Variants in RFWD3 observed in about 807,000 individuals in gnomAD.
The protein encoded by RFWD3 is E3 ubiquitin-protein ligase RFWD3.
A neutral mutation model predicts 87.7 loss-of-function variants in RFWD3; 65 were observed. The observed-to-expected ratio is 0.74, with a 90% confidence interval of 0.61 to 0.91. The LOEUF (loss-of-function observed/expected upper bound fraction) is 0.91, where lower values mean the gene tolerates loss of function less well. Ranked by LOEUF, RFWD3 falls within the 40% of genes least tolerant of loss-of-function variation. The pLI, the probability that RFWD3 is intolerant of heterozygous loss-of-function variation, is 0.00. For missense variants in RFWD3, 1,078 were observed against 938.5 expected (o/e 1.15, Z -1.94); for synonymous variants, 433 against 352.8 (o/e 1.23, Z -2.55).
At chr16:74,653,101 G>C (rs781525154) in intron 2 of RFWD3, among the ~76,000 whole-genome samples, 7 of 152,178 alleles carry the variant, frequency 4.6e-5, no homozygotes, top group Non-Finnish European at 7.3e-5. Flanking sequence ...CACTTTGGGA[G>C]GCCAAGGTGG....
chr16:74,643,596 G>A (rs1426191698), intron 6 of RFWD3, among the ~76,000 whole-genome samples: 1 of 149,908 alleles, frequency 6.7e-6, no homozygotes. Flanking sequence ...CCATGTCACT[G>A]TACCTCTCTC....
chr16:74,650,751 C>T (rs1246267076), intron 3 of RFWD3, among the ~76,000 whole-genome samples: 1 of 152,088 alleles, frequency 6.6e-6, no homozygotes, highest in Admixed American at 6.6e-5. Flanking sequence ...GAGGCATGCA[C>T]ATGTAGTCCT....
At chr16:74,647,401 C>T (rs1364382099) in intron 4 of RFWD3, among the ~76,000 whole-genome samples, 1 of 152,084 alleles carries the variant, frequency 6.6e-6, no homozygotes, top group Non-Finnish European at 1.5e-5. Flanking sequence ...GACTCTCCTG[C>T]CTCAGCTTCC....
At chr16:74,629,965 C>T (rs77288344) in intron 10 of RFWD3, among the ~76,000 whole-genome samples, 1 of 152,096 alleles carries the variant, frequency 6.6e-6, no homozygotes, top group Non-Finnish European at 1.5e-5. Context: ...AATCTCATAA[C>T]TGGATTAAAT....
At chr16:74,648,046 A>C (rs114153097) in intron 4 of RFWD3, among the ~76,000 whole-genome samples, 1,662 of 152,214 alleles carry the variant, frequency 0.011, 23 homozygotes, top group African/African-American at 0.038. Context: ...TCCCAGGCTC[A>C]AGTAATCCTG....
At chr16:74,631,396 C>G (rs985454649) in intron 9 of RFWD3, among the ~76,000 whole-genome samples, 24 of 152,018 alleles carry the variant, frequency 1.6e-4, no homozygotes, top group Non-Finnish European at 2.9e-5. Context: ...CACTTGAACC[C>G]TGGGATGCGG....
chr16:74,641,817 T>C (rs770450492), intron 6 of RFWD3, among the ~76,000 whole-genome samples: 15 of 150,578 alleles, frequency 1.0e-4, no homozygotes, highest in Non-Finnish European at 1.9e-4. Flanking sequence ...TCCCGGCTAC[T>C]TGGGAGACTG....
intron 4 of RFWD3, among the ~76,000 whole-genome samples, chr16:74,647,099 G>T (rs999657518): frequency 6.6e-6 from 1 of 150,446 alleles, no homozygotes; most frequent in African/African-American, 2.5e-5. Context: ...AAAAAAAAAA[G>T]ATTCAATTTT....
chr16:74,662,702 A>C (rs1018995163), intron 1 of RFWD3, among the ~76,000 whole-genome samples: 1 of 152,134 alleles, frequency 6.6e-6, no homozygotes. Context: ...ACAGGACACC[A>C]TTATTAAAGG....
chr16:74,653,067 G>A (rs1212223665), intron 2 of RFWD3, among the ~76,000 whole-genome samples: 1 of 152,110 alleles, frequency 6.6e-6, no homozygotes, highest in African/African-American at 2.4e-5. Flanking sequence ...GGCTAGCTGC[G>A]ATGACTCATG....
intron 4 of RFWD3, among the ~76,000 whole-genome samples, chr16:74,647,092 A>T (rs1293423874): frequency 6.6e-6 from 1 of 152,148 alleles, no homozygotes; most frequent in Non-Finnish European, 1.5e-5. Flanking sequence ...TCTCAAAAAA[A>T]AAAAAAGATT....
chr16:74,655,557 C>CTAAA (rs1555528475), intron 2 of RFWD3, among the ~76,000 whole-genome samples: 1 of 151,610 alleles, frequency 6.6e-6, no homozygotes, highest in Non-Finnish European at 1.5e-5. Flanking sequence ...GAAGCCGATG[C>CTAAA]TCTTTTACTG....
chr16:74,660,604 G>A (rs947477348), intron 2 of RFWD3: 1 of 234,852 alleles, frequency 4.3e-6, no homozygotes, highest in African/African-American at 2.3e-5. Flanking sequence ...CCCCCAGGTG[G>A]AATGCCAGTG....
chr16:74,655,880 T>G (rs1454389450), intron 2 of RFWD3, among the ~76,000 whole-genome samples: 1 of 152,200 alleles, frequency 6.6e-6, no homozygotes, highest in African/African-American at 2.4e-5. Flanking sequence ...CTTATCTGTT[T>G]AGAGTATGTC....
At chr16:74,650,117 G>T (rs183224118) in intron 3 of RFWD3, among the ~76,000 whole-genome samples, 107 of 152,196 alleles carry the variant, frequency 7.0e-4, no homozygotes, top group African/African-American at 2.6e-3. Flanking sequence ...AACTATGTTG[G>T]TTTACTGTTA....
At chr16:74,634,378 TTATATA>T (rs61457427) in intron 8 of RFWD3, among the ~76,000 whole-genome samples, 1 of 147,624 alleles carries the variant, frequency 6.8e-6, no homozygotes, top group Non-Finnish European at 1.5e-5. Context: ...ACTAAGTACT[TTATATA>T]TATATATATA....
chr16:74,640,346 A>G, intron 6 of RFWD3, among the ~76,000 whole-genome samples: 1 of 151,696 alleles, frequency 6.6e-6, no homozygotes, highest in Non-Finnish European at 1.5e-5. Flanking sequence ...CGGTTTCATC[A>G]TGTTGGTCAG....
chr16:74,661,563 A>C (rs543527777), intron 1 of RFWD3, 112 bp from the exon 2 acceptor site: 1 of 1,014,150 alleles, frequency 9.9e-7, no homozygotes, highest in East Asian at 2.5e-5. Context: ...ATTCTTAGCA[A>C]GACTGAGAAG....
At chr16:74,665,119 A>T (rs982087357) in intron 1 of RFWD3, 4 of 152,302 alleles carry the variant, frequency 2.6e-5, no homozygotes, top group African/African-American at 9.7e-5. Flanking sequence ...CCCCTCAATT[A>T]AAGGTTGAGA....
Sources: allele counts gnomAD v4.1 joint callset (sites outside exome capture counted in the v4.1 genomes callset), GRCh38; gene constraint gnomAD v4.1.1; transcripts MANE v1.5; gene names NCBI Gene and HGNC (gene_info 2026-07-23, HGNC 2026-07-21).